HTR2C: variants seen among roughly 807,000 people sequenced by gnomAD.
HTR2C encodes 5-hydroxytryptamine receptor 2C.
Under a neutral mutation model 21.0 loss-of-function variants are expected in HTR2C, and 5 were observed. That is an observed-to-expected ratio of 0.24 (90% CI 0.12 to 0.50). The LOEUF is 0.50. HTR2C is among the 20% of genes least tolerant of loss of function. The probability of loss-of-function intolerance (pLI) is 0.98; values close to 1 mark genes in which losing one functional copy is unlikely to be tolerated. For missense variants in HTR2C, 271 were observed against 371.2 expected (o/e 0.73, Z 2.22); for synonymous variants, 150 against 145.3 (o/e 1.03, Z -0.23).
intron 2 of HTR2C, among the ~76,000 whole-genome samples, chrX:114,651,359 A>G (rs1930565730): frequency 9.0e-6 from 1 of 111,564 alleles, no homozygotes; most frequent in Non-Finnish European, 1.9e-5. Context: ...TATGGTTTGG[A>G]AGAGGGTAGA....
intron 1 of HTR2C, among the ~76,000 whole-genome samples, chrX:114,609,162 G>A (rs909875030): frequency 2.7e-5 from 3 of 111,217 alleles, no homozygotes; most frequent in Middle Eastern, 4.8e-3. Flanking sequence ...TAAAAAAACA[G>A]TAAATAAAAT....
chrX:114,833,656 T>C (rs1474457492), intron 4 of HTR2C, among the ~76,000 whole-genome samples: 21 of 110,447 alleles, frequency 1.9e-4, no homozygotes, highest in Non-Finnish European at 3.6e-4. Context: ...AACCAGCTCC[T>C]GGATTCATTA....
chrX:114,691,215 T>A (rs1862895717), intron 2 of HTR2C, among the ~76,000 whole-genome samples: 2 of 111,184 alleles, frequency 1.8e-5, no homozygotes, highest in African/African-American at 6.5e-5. Flanking sequence ...AAATACTAAT[T>A]ATACAGAAGT....
chrX:114,681,922 T>C (rs1338818146), intron 2 of HTR2C, among the ~76,000 whole-genome samples: 1 of 111,261 alleles, frequency 9.0e-6, no homozygotes, highest in Non-Finnish European at 1.9e-5. Context: ...TGGCCAGCAG[T>C]GTCACAGAAG....
At chrX:114,814,022 CT>C (rs1435845760) in intron 4 of HTR2C, among the ~76,000 whole-genome samples, 1 of 111,104 alleles carries the variant, frequency 9.0e-6, no homozygotes, top group East Asian at 2.8e-4. Flanking sequence ...TTAGAAAGGG[CT>C]TCCCAGATAA....
At chrX:114,853,549 T>C (rs1556469945) in intron 5 of HTR2C, among the ~76,000 whole-genome samples, 1 of 111,682 alleles carries the variant, frequency 9.0e-6, no homozygotes, top group Non-Finnish European at 1.9e-5. Context: ...TCAATTTTAG[T>C]CTCTTAAAAC....
At chrX:114,802,683 A>ATTCTTTCTTTCTTTCTTTCTTTCT (rs57990660) in intron 4 of HTR2C, among the ~76,000 whole-genome samples, 5 of 66,797 alleles carry the variant, frequency 7.5e-5, no homozygotes, top group African/African-American at 1.7e-4. Context: ...CTATGCTTAG[A>ATTCTTTCTTTCTTTCTTTCTTTCT]TTCTTTCTTT....
In HTR2C at chrX:114,689,489, T is replaced by A. The variant is rs138726380; in HGVS notation, c.-79-37369T>A. Among the ~76,000 whole-genome samples, 1,020 of 110,322 alleles carry A rather than the reference T, an allele frequency of 9.2e-3. 8 individuals carry two copies. The highest frequency in any genetic ancestry group is 0.014 in the Non-Finnish European group (736 of 52,811). Reference sequence around the variant, plus strand: ...ACTTCCACTGACAGTGTAAAAGTGTTCCCTTTTCACCACATCCACACCAAC... The same window carrying A: ...ACTTCCACTGACAGTGTAAAAGTGTACCCTTTTCACCACATCCACACCAAC... On this transcript the variant is annotated intron_variant, in intron 2 of 5. Coordinates refer to ENST00000276198, the MANE Select transcript of HTR2C (RefSeq NM_000868.4).
chrX:114,806,627 T>C lies in HTR2C; in HGVS notation c.350-41376T>C, dbSNP rs781926511. On this transcript the variant is annotated intron_variant, in intron 4 of 5. Coordinates refer to ENST00000276198, the MANE Select transcript of HTR2C (RefSeq NM_000868.4). ...ATACACCATATATACACCATATATA[T>C]ACCATATATACACTATATATACCAT... is the stretch of plus-strand genomic sequence containing the variant. Among the ~76,000 whole-genome samples, 10 of 98,010 alleles carry C rather than the reference T, an allele frequency of 1.0e-4. No individual in the cohort carries two copies. In the East Asian group the frequency reaches 2.3e-3, roughly 22 times the overall value. The allele number at this position is 98,010 out of a possible 115,157, so 85.1% of individuals were successfully genotyped here.
At chrX:114,843,681 T>A (rs1306950350) in intron 4 of HTR2C, among the ~76,000 whole-genome samples, 5 of 111,704 alleles carry the variant, frequency 4.5e-5, no homozygotes, top group African/African-American at 1.6e-4. Flanking sequence ...CAAGGTGCAG[T>A]ATAATCAAAC....
At chrX:114,811,402 G>A (rs782000812) in intron 4 of HTR2C, among the ~76,000 whole-genome samples, 7 of 110,760 alleles carry the variant, frequency 6.3e-5, no homozygotes, top group African/African-American at 9.9e-5. Context: ...TAACAAAAGA[G>A]ATCTACATAC....
intron 2 of HTR2C, among the ~76,000 whole-genome samples, chrX:114,627,045 A>AT (rs1201425987): frequency 3.6e-5 from 4 of 110,799 alleles, no homozygotes; most frequent in East Asian, 5.6e-4. Flanking sequence ...TAAATCCAAG[A>AT]TTTTTTTTTG....
intron 2 of HTR2C, among the ~76,000 whole-genome samples, chrX:114,680,431 GA>G (rs1931708810): frequency 8.9e-6 from 1 of 112,029 alleles, no homozygotes; most frequent in Non-Finnish European, 1.9e-5. Context: ...TTAAGAAAAT[GA>G]AGACCCAAAG....
chrX:114,717,889 G>A (rs1486115958), intron 2 of HTR2C, among the ~76,000 whole-genome samples: 1 of 111,453 alleles, frequency 9.0e-6, no homozygotes, highest in African/African-American at 3.3e-5. Context: ...CTTGGCCAAG[G>A]ATTGTGGATG....
intron 4 of HTR2C, among the ~76,000 whole-genome samples, chrX:114,806,683 C>T (rs1354810661): frequency 1.1e-5 from 1 of 94,898 alleles, no homozygotes; most frequent in Non-Finnish European, 2.1e-5. Context: ...ATATATACAC[C>T]ACATATATAC....
chrX:114,817,554 T>C (rs2070597046), intron 4 of HTR2C, among the ~76,000 whole-genome samples: 1 of 111,930 alleles, frequency 8.9e-6, no homozygotes. Context: ...GGCTGAATGT[T>C]GTTAAGAATA....
Position 114,694,490 on chromosome X carries a change from T to C in HTR2C, c.-79-32368T>C, listed in dbSNP as rs1219982893. Among the ~76,000 whole-genome samples, 413 of 92,553 alleles carry C rather than the reference T, an allele frequency of 4.5e-3. 15 individuals are homozygous for C. The highest frequency in any genetic ancestry group is 0.019 in the African/African-American group (390 of 20,604). 80.4% of individuals were successfully genotyped at this position (92,553 alleles called of 115,157 possible). A position where few individuals can be genotyped will look rare whatever the true frequency, so the allele number is the denominator to read the frequency against. On this transcript the variant is annotated intron_variant, in intron 2 of 5. Coordinates refer to ENST00000276198, the MANE Select transcript of HTR2C (RefSeq NM_000868.4). ...ATATATATATATATATATATATATA[T>C]ATACACACACAGATTTAGACAGAGT... is the stretch of plus-strand genomic sequence containing the variant.
intron 2 of HTR2C, among the ~76,000 whole-genome samples, chrX:114,660,435 C>T (rs782624816): frequency 1.8e-5 from 2 of 112,074 alleles, no homozygotes; most frequent in African/African-American, 6.5e-5. Flanking sequence ...TATTACAAGT[C>T]CATTATCTGT....
intron 2 of HTR2C, among the ~76,000 whole-genome samples, chrX:114,719,534 AC>A (rs1340359564): frequency 9.0e-6 from 1 of 111,337 alleles, no homozygotes; most frequent in Non-Finnish European, 1.9e-5. Context: ...CGAAACTCTT[AC>A]CACCAGTTCA....
Sources: gnomAD v4.1 joint callset for allele counts (sites outside exome capture counted in the v4.1 genomes callset) on GRCh38, gnomAD v4.1.1 for gene constraint, MANE v1.5 for transcripts, NCBI Gene and HGNC (gene_info 2026-07-23, HGNC 2026-07-21) for gene names.